ZDHHC16: variants seen among roughly 807,000 people sequenced by gnomAD.
ZDHHC16 encodes the protein zDHHC palmitoyltransferase 16.
In ZDHHC16, 33 loss-of-function variants were observed where a neutral mutation model predicts 54.4. That is an observed-to-expected ratio of 0.61 (90% CI 0.46 to 0.81). The LOEUF (loss-of-function observed/expected upper bound fraction) is 0.81. ZDHHC16 is among the 30% of genes least tolerant of loss of function. The pLI is 0.00. For missense variants in ZDHHC16, 420 were observed against 485.9 expected (o/e 0.86, Z 1.28); for synonymous variants, 185 against 182.1 (o/e 1.02, Z -0.13).
chr10:97,455,910 T>G, intron 10 of ZDHHC16, 64 bp from the exon 11 acceptor site: 1 of 1,610,730 alleles, frequency 6.2e-7, no homozygotes, highest in Non-Finnish European at 8.5e-7. Flanking sequence ...TATCTGAGCT[T>G]TAGCTTAGCC....
At chr10:97,447,623 T>A (rs1400311571) in intron 1 of ZDHHC16, among the ~76,000 whole-genome samples, 2 of 152,310 alleles carry the variant, frequency 1.3e-5, no homozygotes, top group East Asian at 3.9e-4. Context: ...CTTCTATTTC[T>A]TGAGATGAAA....
chr10:97,449,037 CTGAA>C (rs781292136), intron 1 of ZDHHC16, among the ~76,000 whole-genome samples: 3 of 152,102 alleles, frequency 2.0e-5, no homozygotes, highest in Non-Finnish European at 4.4e-5. Context: ...TACTCCCTCA[CTGAA>C]TGTGAACACA....
At position 97,452,262 on chromosome 10, in the gene ZDHHC16, C is replaced by T. The variant is rs752346283; in HGVS notation, c.416C>T (p.Thr139Ile). ...IVFHYYQAIT[T>I]PPGYPPQGRN... ...TTCCACTACTACCAGGCCATCACCA[C>T]TCCGCCTGGGTACCCACCCCAGGTG... The change falls in exon 4 of 12, where the codon ACT becomes ATT. Residue 139 changes from threonine (T) to isoleucine (I), a missense_variant. Thr to Ile is a moderately conservative substitution (Grantham distance 89). Coordinates refer to ENST00000393760, the MANE Select transcript of ZDHHC16 (RefSeq NM_198046.3). 2 of 1,614,050 alleles carry T rather than the reference C, an allele frequency of 1.2e-6. No individual in the cohort carries two copies. The highest frequency in any genetic ancestry group is 1.1e-5 in the South Asian group (1 of 91,084).
intron 6 of ZDHHC16, 135 bp downstream of exon 6, chr10:97,453,058 G>T: frequency 8.8e-7 from 1 of 1,133,352 alleles, no homozygotes; most frequent in South Asian, 1.3e-5. Flanking sequence ...ACCATCTCCT[G>T]GGAGAGCAGG....
chr10:97,455,346 A>G (rs563273051), intron 9 of ZDHHC16, among the ~76,000 whole-genome samples: 1 of 152,288 alleles, frequency 6.6e-6, no homozygotes, highest in South Asian at 2.1e-4. Flanking sequence ...AACAACAGAG[A>G]TGGAGTCTTG....
rs749517360 is a variant in ZDHHC16, at chr10:97,456,802, C to A, written c.1045C>A (p.Pro349Thr). The stretch of plus-strand genomic sequence containing the variant: ...GCACTGGCTTACTCGGGTGCTCTTA[C>A]CTTCTAGTCACTTGCCCCATGGGAA... ...GRHWLTRVLL[P>T]SSHLPHGNGM... The change falls in exon 12 of 12, where the codon CCT becomes ACT. Residue 349 changes from proline (P) to threonine (T), a missense_variant. Transcript: ENST00000393760. The A allele has an allele frequency of 6.2e-7, 1 of 1,613,580 alleles. No individual in the cohort carries two copies. The highest frequency in any genetic ancestry group is 1.1e-5 in the South Asian group (1 of 90,998).
rs895108253 is a variant in ZDHHC16, at chr10:97,449,910, G to GCCGGACT, written c.-185-446_-185-440dup. On this transcript the variant is annotated intron_variant, in intron 1 of 11. Coordinates refer to ENST00000393760, the MANE Select transcript of ZDHHC16 (RefSeq NM_198046.3). The stretch of plus-strand genomic sequence containing the variant: ...GACGGAGTCTCGCTCTGTCGCCCAG[G>GCCGGACT]CCGGACTGCGGACTGCAGTGGCGCA... 5.1e-5 allele frequency among the ~76,000 whole-genome samples: 6 copies of GCCGGACT among 117,616 alleles called. No homozygotes were observed. The Admixed American group carries it at 5.4e-4, about 11-fold the overall frequency. The allele number at this position is 117,616 out of a possible 152,430, so 77.2% of individuals were successfully genotyped here. A position where few individuals can be genotyped will look rare whatever the true frequency, so the allele number is the denominator to read the frequency against.
chr10:97,446,403 G>T (rs2133173624), intron 1 of ZDHHC16, 50 bp downstream of exon 1: 2 of 289,302 alleles, frequency 6.9e-6, no homozygotes, highest in Non-Finnish European at 1.3e-5. Context: ...CCTTTTTCTG[G>T]GTAGGGCACT....
intron 8 of ZDHHC16, 134 bp from the exon 9 acceptor site, chr10:97,454,570 ATCTTGGCTGC>A: frequency 1.4e-6 from 1 of 721,968 alleles, no homozygotes; most frequent in Non-Finnish European, 2.4e-6. Context: ...TGGTCCACCC[ATCTTGGCTGC>A]TACCCTAACT....
intron 7 of ZDHHC16, 33 bp from the exon 8 acceptor site, chr10:97,453,766 G>A: frequency 6.2e-7 from 1 of 1,614,210 alleles, no homozygotes; most frequent in Non-Finnish European, 8.5e-7. Context: ...AGAGGCCTGA[G>A]AGTATAACCA....
In ZDHHC16 at chr10:97,451,829, A is replaced by T; in HGVS notation, c.154A>T (p.Asn52Tyr). The T allele has an allele frequency of 6.2e-7, 1 of 1,614,194 alleles. No individual in the cohort carries two copies. The highest frequency in any genetic ancestry group is 8.5e-7 in the Non-Finnish European group (1 of 1,180,046). The part of the protein sequence containing the change: ...GKVCLRSLLY[N>Y]SFGGSDTAVD... ...GGTCTGCCTGCGCTCCCTGCTCTAC[A>T]ACTCCTTTGGGGGCAGTGACACCGC... The change falls in exon 3 of 12, where the codon AAC becomes TAC. Residue 52 changes from asparagine to tyrosine, a missense_variant. Coordinates refer to ENST00000393760, the MANE Select transcript of ZDHHC16 (RefSeq NM_198046.3).
chr10:97,451,536 C>T (rs950091544), intron 2 of ZDHHC16, 135 bp from the exon 3 acceptor site: 28 of 1,255,074 alleles, frequency 2.2e-5, no homozygotes, highest in Non-Finnish European at 3.0e-5. Context: ...CTTCCTACTT[C>T]TCACAGTTGG....
intron 2 of ZDHHC16, 77 bp from the exon 3 acceptor site, chr10:97,451,594 A>G: frequency 6.6e-7 from 1 of 1,523,204 alleles, no homozygotes; most frequent in Admixed American, 2.1e-5. Context: ...CCTCCAAGTG[A>G]GTACTCTAGG....
chr10:97,455,599 C>T (rs1847096126), intron 9 of ZDHHC16, 61 bp from the exon 10 acceptor site: 2 of 1,613,230 alleles, frequency 1.2e-6, no homozygotes, highest in Non-Finnish European at 1.7e-6. Context: ...AGCTCAATTT[C>T]AGACATACTT....
rs760535455 is a variant in ZDHHC16 at position 97,452,471 on chromosome 10, A to G, written c.495A>G (p.Pro165=). The G allele has an allele frequency of 6.2e-6, 10 of 1,614,220 alleles. No individual in the cohort carries two copies. Among genetic ancestry groups the G allele is most frequent in the Non-Finnish European group, 5.9e-6 (7 of 1,180,012 alleles). ...GTAAGAAGTGCATTTACCCCAAGCC[A>G]GCCCGAACACACCACTGCAGCATCT... ...SICKKCIYPK[P]ARTHHCSICN... The change falls in exon 5 of 12, where the codon CCA becomes CCG. Residue 165 remains proline (P), a synonymous_variant. Coordinates refer to ENST00000393760, the MANE Select transcript of ZDHHC16 (RefSeq NM_198046.3).
In ZDHHC16 at chr10:97,452,323, A is replaced by G. The variant is rs200335515; in HGVS notation, c.438+39A>G. The G allele has an allele frequency of 4.8e-5, 78 of 1,613,106 alleles. No homozygotes were observed. In the East Asian group the frequency reaches 1.4e-3, roughly 30 times the overall value. ...GGAGCACTGGGGGAAGTTGCTGGCTATGGGAGCTGGTCCCAGGAGTGGGGA... is the reference window on the plus strand; with the variant it reads ...GGAGCACTGGGGGAAGTTGCTGGCTGTGGGAGCTGGTCCCAGGAGTGGGGA... On this transcript the variant is annotated intron_variant, in intron 4 of 11. Transcript: ENST00000393760.
chr10:97,455,930 T>C (rs904033875), intron 10 of ZDHHC16, 44 bp from the exon 11 acceptor site: 1 of 1,612,808 alleles, frequency 6.2e-7, no homozygotes, highest in Non-Finnish European at 8.5e-7. Flanking sequence ...CAATTTAGTC[T>C]GAAAAATTAG....
At position 97,448,570 on chromosome 10, in the gene ZDHHC16, A is replaced by T. The variant is rs1846312006; in HGVS notation, c.-185-1787A>T. Among the ~76,000 whole-genome samples, 2 of 152,228 alleles carry T rather than the reference A, an allele frequency of 1.3e-5. 1 individual carries two copies. The highest frequency in any genetic ancestry group is 4.1e-4 in the South Asian group (2 of 4,834). ...TCAGGAGTTCAAGACCAGCCTGGCC[A>T]ACATTGCGAAACCCCGTCTCTACTA... is the stretch of plus-strand genomic sequence containing the variant. On this transcript the variant is annotated intron_variant, in intron 1 of 11. Coordinates refer to ENST00000393760, the MANE Select transcript of ZDHHC16 (RefSeq NM_198046.3).
intron 1 of ZDHHC16, among the ~76,000 whole-genome samples, chr10:97,446,685 C>G (rs1846070448): frequency 6.6e-6 from 1 of 152,222 alleles, no homozygotes; most frequent in African/African-American, 2.4e-5. Flanking sequence ...GCAGTTTCAC[C>G]TCGCGGCTGT....
Sources: allele counts gnomAD v4.1 joint callset (sites outside exome capture counted in the v4.1 genomes callset), GRCh38; gene constraint gnomAD v4.1.1; transcripts MANE v1.5; gene names NCBI Gene and HGNC (gene_info 2026-07-23, HGNC 2026-07-21).